The following TNR variants were observed in gnomAD, a reference collection of about 807,000 sequenced individuals.
TNR encodes the protein tenascin-R.
A neutral mutation model predicts 150.4 loss-of-function variants in TNR; 45 were observed. That is an observed-to-expected ratio of 0.30 (90% CI 0.24 to 0.38). The LOEUF (loss-of-function observed/expected upper bound fraction) is 0.38. Among genes scored for constraint, TNR ranks in the 10% least tolerant of loss-of-function variants. The pLI is 1.00. For missense variants in TNR, 1,544 were observed against 1,759.1 expected, an observed-to-expected ratio of 0.88 and a Z score of 2.19; for synonymous variants, 687 against 678.4, an observed-to-expected ratio of 1.01 and a Z score of -0.20.
At chr1:175,567,118 T>C (rs1661674372) in intron 1 of TNR, among the ~76,000 whole-genome samples, 1 of 152,194 alleles carries the variant, frequency 6.6e-6, no homozygotes, top group Non-Finnish European at 1.5e-5. Flanking sequence ...TTATTAGTCC[T>C]CCTGTTCAAG....
intron 2 of TNR, among the ~76,000 whole-genome samples, chr1:175,454,579 C>G (rs1656478883): frequency 6.6e-6 from 1 of 152,216 alleles, no homozygotes; most frequent in African/African-American, 2.4e-5. Context: ...TCAAGCGATT[C>G]TCCTGCCTCA....
chr1:175,668,187 A>G (rs1166198327), intron 1 of TNR, among the ~76,000 whole-genome samples: 1 of 152,216 alleles, frequency 6.6e-6, no homozygotes, highest in Non-Finnish European at 1.5e-5. Flanking sequence ...TCTCTTGTGT[A>G]CCATCTACCC....
At chr1:175,725,141 G>A (rs994019818) in intron 1 of TNR, among the ~76,000 whole-genome samples, 9 of 152,110 alleles carry the variant, frequency 5.9e-5, no homozygotes, top group African/African-American at 2.2e-4. Flanking sequence ...GAAGTGTAGA[G>A]AACAGATTGG....
In TNR at chr1:175,361,829, G is replaced by A. The variant is rs551493773; in HGVS notation, c.2854+834C>T. 7.2e-5 allele frequency among the ~76,000 whole-genome samples: 11 copies of A among 152,318 alleles called. No homozygotes were observed. In the East Asian group the frequency reaches 1.4e-3, roughly 19 times the overall value. On this transcript the variant is annotated intron_variant, in intron 14 of 22. Coordinates refer to ENST00000367674, the MANE Select transcript of TNR (RefSeq NM_003285.3). ...TGTGCCTGCTAGTGAGTTCTGCAGC[G>A]AATCTTTGCATGTTCTGCCTGGTGT...
intron 1 of TNR, among the ~76,000 whole-genome samples, chr1:175,633,445 T>G (rs1664396173): frequency 6.6e-6 from 1 of 152,058 alleles, no homozygotes; most frequent in African/African-American, 2.4e-5. Context: ...AGGAAAGAAA[T>G]TATAGCTATG....
At chr1:175,354,941 C>T (rs1482299438) in intron 17 of TNR, among the ~76,000 whole-genome samples, 2 of 152,142 alleles carry the variant, frequency 1.3e-5, no homozygotes, top group Non-Finnish European at 2.9e-5. Flanking sequence ...GCTTCACTAA[C>T]AAAAACTTGA....
chr1:175,555,356 C>T (rs1257811160), intron 1 of TNR, among the ~76,000 whole-genome samples: 1 of 151,996 alleles, frequency 6.6e-6, no homozygotes, highest in Non-Finnish European at 1.5e-5. Flanking sequence ...CCTAATAAAA[C>T]CTCTCAGGCT....
chr1:175,361,899 G>A (rs1258124186), intron 14 of TNR, among the ~76,000 whole-genome samples: 1 of 152,214 alleles, frequency 6.6e-6, no homozygotes, highest in Non-Finnish European at 1.5e-5. Flanking sequence ...TGCTAGCAAA[G>A]GAGCCTTCTC....
intron 4 of TNR, among the ~76,000 whole-genome samples, chr1:175,397,393 A>G (rs1299302350): frequency 6.6e-6 from 1 of 152,140 alleles, no homozygotes; most frequent in Non-Finnish European, 1.5e-5. Flanking sequence ...GGGCTTTTAA[A>G]TTTTTTTCCT....
At chr1:175,521,457 G>A (rs1659636651) in intron 2 of TNR, among the ~76,000 whole-genome samples, 1 of 152,210 alleles carries the variant, frequency 6.6e-6, no homozygotes, top group African/African-American at 2.4e-5. Flanking sequence ...AAACCCGACT[G>A]GCTCTGGTCC....
intron 1 of TNR, among the ~76,000 whole-genome samples, chr1:175,633,934 A>G (rs1257782068): frequency 2.0e-5 from 3 of 152,140 alleles, no homozygotes; most frequent in African/African-American, 7.2e-5. Flanking sequence ...TCAGCCCAGC[A>G]CTGGCAGTTA....
intron 12 of TNR, among the ~76,000 whole-genome samples, chr1:175,364,397 T>G (rs1651742061): frequency 6.6e-6 from 1 of 152,174 alleles, no homozygotes; most frequent in South Asian, 2.1e-4. Context: ...TTGTCCAGTT[T>G]GTGAGTTCTT....
At chr1:175,582,746 A>C (rs773550612) in intron 1 of TNR, among the ~76,000 whole-genome samples, 2 of 152,078 alleles carry the variant, frequency 1.3e-5, no homozygotes, top group Non-Finnish European at 2.9e-5. Flanking sequence ...TATCCTCCAA[A>C]ACTCATGTTG....
At chr1:175,592,910 G>A (rs1662856684) in intron 1 of TNR, among the ~76,000 whole-genome samples, 2 of 152,178 alleles carry the variant, frequency 1.3e-5, no homozygotes, top group Admixed American at 6.5e-5. Flanking sequence ...AATTCTTCAA[G>A]GGCAAACTGG....
At chr1:175,498,950 G>C (rs1205381622) in intron 2 of TNR, among the ~76,000 whole-genome samples, 2 of 152,120 alleles carry the variant, frequency 1.3e-5, no homozygotes, top group African/African-American at 2.4e-5. Flanking sequence ...TCATATTCAG[G>C]CTACCACATT....
At chr1:175,715,988 C>G (rs143101674) in intron 1 of TNR, among the ~76,000 whole-genome samples, 1 of 152,176 alleles carries the variant, frequency 6.6e-6, no homozygotes. Context: ...GATCAATTTC[C>G]GAGTAGCAGG....
chr1:175,598,721 G>A (rs896061849), intron 1 of TNR, among the ~76,000 whole-genome samples: 2 of 152,202 alleles, frequency 1.3e-5, no homozygotes, highest in Non-Finnish European at 2.9e-5. Flanking sequence ...CAGAATATGG[G>A]TCACATCTGA....
intron 8 of TNR, among the ~76,000 whole-genome samples, chr1:175,384,056 A>G (rs1347120738): frequency 6.6e-6 from 1 of 152,248 alleles, no homozygotes; most frequent in Non-Finnish European, 1.5e-5. Context: ...TCCTGCTTCC[A>G]TCTTGTCGAC....
chr1:175,322,191 T>G lies in TNR; in HGVS notation c.*1166A>C, dbSNP rs925870163. ...AAAAGTGCTAAAAACTACAACCATCTCCCCCTCCTACCTTTGCAGAAAGTG... is the reference window on the plus strand; with the variant it reads ...AAAAGTGCTAAAAACTACAACCATCGCCCCCTCCTACCTTTGCAGAAAGTG... On this transcript the variant is annotated 3_prime_UTR_variant, in exon 23 of 23. Transcript: ENST00000367674. 1 of 152,036 alleles carries G rather than the reference T, an allele frequency of 6.6e-6. No individual in the cohort carries two copies. 9.4% of individuals were successfully genotyped at this position (152,036 alleles called of 1,614,324 possible).
Sources: gnomAD v4.1 joint callset for allele counts (sites outside exome capture counted in the v4.1 genomes callset) on GRCh38, gnomAD v4.1.1 for gene constraint, MANE v1.5 for transcripts, NCBI Gene and HGNC (gene_info 2026-07-23, HGNC 2026-07-21) for gene names.